DCLK1: variants seen among roughly 807,000 people sequenced by gnomAD.
DCLK1 encodes doublecortin like kinase 1.
A neutral mutation model predicts 86.2 loss-of-function variants in DCLK1; 16 were observed. The ratio of observed to expected loss-of-function variants is 0.19; its 90% CI spans 0.13 to 0.28. The LOEUF is 0.28. Ranked by LOEUF, DCLK1 falls within the 10% of genes least tolerant of loss-of-function variation. The pLI, the probability that DCLK1 is intolerant of heterozygous loss-of-function variation, is 1.00. For synonymous variants in DCLK1, 369 were observed against 370.5 expected (o/e 1.00, Z 0.05); for missense variants, 590 against 940.2 (o/e 0.63, Z 4.87).
intron 3 of DCLK1, among the ~76,000 whole-genome samples, chr13:35,967,602 T>C (rs939214102): frequency 6.6e-5 from 10 of 152,172 alleles, no homozygotes; most frequent in Non-Finnish European, 1.5e-4. Flanking sequence ...CAAGATGTGC[T>C]TTGTTAAACA....
chr13:36,083,503 G>C (rs1402293093), intron 3 of DCLK1, among the ~76,000 whole-genome samples: 1 of 152,110 alleles, frequency 6.6e-6, no homozygotes, highest in East Asian at 1.9e-4. Flanking sequence ...GTCCTCTACT[G>C]TTTATTGGTG....
intron 11 of DCLK1, among the ~76,000 whole-genome samples, chr13:35,819,033 T>C (rs760198708): frequency 6.6e-6 from 1 of 152,096 alleles, no homozygotes; most frequent in African/African-American, 2.4e-5. Flanking sequence ...GGCTCTGTCC[T>C]CTGTTCATAG....
At chr13:35,911,500 T>C (rs1050717897) in intron 4 of DCLK1, among the ~76,000 whole-genome samples, 6 of 152,130 alleles carry the variant, frequency 3.9e-5, no homozygotes, top group African/African-American at 1.4e-4. Flanking sequence ...CCTTTAGTGC[T>C]GGAGCTCAGC....
chr13:35,860,752 G>A (rs1379618283), intron 5 of DCLK1, among the ~76,000 whole-genome samples: 8 of 152,182 alleles, frequency 5.3e-5, no homozygotes, highest in African/African-American at 1.9e-4. Flanking sequence ...TTACAACTGA[G>A]CAAGGTGGTG....
At chr13:35,896,705 C>T (rs952654651) in intron 4 of DCLK1, among the ~76,000 whole-genome samples, 49 of 151,924 alleles carry the variant, frequency 3.2e-4, no homozygotes, top group African/African-American at 1.1e-3. Context: ...CTTCTGCACT[C>T]GGCCTTGGCA....
chr13:36,028,340 C>G lies in DCLK1; in HGVS notation c.724-80883G>C, dbSNP rs1222130622. On this transcript the variant is annotated intron_variant, in intron 3 of 16. Coordinates refer to ENST00000360631, the MANE Select transcript of DCLK1 (RefSeq NM_001330071.2). ...ATGATTTTCCAAACAGTAGAGACTT[C>G]AGGCTGGTCTTTTGAAATGCTCATC... Among the ~76,000 whole-genome samples the G allele has an allele frequency of 2.0e-5, 3 of 152,302 alleles. No homozygotes were observed. In the East Asian group the frequency reaches 5.8e-4, roughly 29 times the overall value.
At chr13:35,889,304 T>C (rs1462223520) in intron 4 of DCLK1, among the ~76,000 whole-genome samples, 1 of 152,168 alleles carries the variant, frequency 6.6e-6, no homozygotes, top group Non-Finnish European at 1.5e-5. Flanking sequence ...CAGAAAGGGT[T>C]TGTAATGGAT....
At chr13:36,114,305 A>C (rs1248376578) in intron 2 of DCLK1, among the ~76,000 whole-genome samples, 1 of 152,236 alleles carries the variant, frequency 6.6e-6, no homozygotes, top group East Asian at 1.9e-4. Context: ...GGTTCAAGCA[A>C]CAATGATCAG....
At chr13:36,065,913 C>T (rs1176250417) in intron 3 of DCLK1, among the ~76,000 whole-genome samples, 2 of 152,076 alleles carry the variant, frequency 1.3e-5, no homozygotes, top group Non-Finnish European at 1.5e-5. Context: ...GAGTCATTTA[C>T]ACACAACGGC....
At chr13:36,088,420 T>C (rs1884695450) in intron 3 of DCLK1, among the ~76,000 whole-genome samples, 1 of 152,208 alleles carries the variant, frequency 6.6e-6, no homozygotes, top group Admixed American at 6.5e-5. Flanking sequence ...TAGGGTCCAG[T>C]CTTAAGGCTG....
intron 3 of DCLK1, among the ~76,000 whole-genome samples, chr13:36,103,152 G>C (rs1348605544): frequency 6.6e-6 from 1 of 152,184 alleles, no homozygotes; most frequent in African/African-American, 2.4e-5. Flanking sequence ...TGTAATCCCA[G>C]CGCTTTGGGA....
chr13:36,066,353 T>C (rs1026543723), intron 3 of DCLK1, among the ~76,000 whole-genome samples: 1 of 152,196 alleles, frequency 6.6e-6, no homozygotes, highest in Admixed American at 6.5e-5. Context: ...CCATTGGTCC[T>C]TGGCCACAAC....
At chr13:35,850,039 T>C (rs753031101) in intron 6 of DCLK1, 83 of 976,472 alleles carry the variant, frequency 8.5e-5, no homozygotes, top group Non-Finnish European at 9.6e-5. Context: ...AAAATAAAAT[T>C]TACTTGACAA....
chr13:36,114,463 A>C (rs1391347927), intron 2 of DCLK1, among the ~76,000 whole-genome samples: 1 of 152,226 alleles, frequency 6.6e-6, no homozygotes, highest in African/African-American at 2.4e-5. Flanking sequence ...AGCTAAAGGA[A>C]GGAGAAGGAG....
chr13:36,109,705 C>T (rs138546977), intron 3 of DCLK1, among the ~76,000 whole-genome samples: 142 of 152,320 alleles, frequency 9.3e-4, no homozygotes, highest in South Asian at 1.5e-3. Flanking sequence ...TAATGAAGCT[C>T]AGTTAAGTGT....
chr13:35,982,423 AGAGAGAGAGGGGGAGG>A (rs1879693258), intron 3 of DCLK1, among the ~76,000 whole-genome samples: 2 of 40,118 alleles, frequency 5.0e-5, no homozygotes, highest in Non-Finnish European at 1.2e-4. Context: ...AGAGAGAGAG[AGAGAGAGAGGGGGAGG>A]GAGGGAGGGA....
intron 16 of DCLK1, among the ~76,000 whole-genome samples, chr13:35,780,158 T>C (rs2086500903): frequency 6.6e-6 from 1 of 152,132 alleles, no homozygotes; most frequent in African/African-American, 2.4e-5. Context: ...AGCTTTACTC[T>C]TTATCAATCA....
chr13:35,851,470 C>T (rs1053102764), intron 6 of DCLK1, among the ~76,000 whole-genome samples: 7 of 151,994 alleles, frequency 4.6e-5, no homozygotes, highest in South Asian at 4.2e-4. Flanking sequence ...GGCTTTTCTC[C>T]GGTTTTGTAC....
chr13:36,088,666 G>C (rs1181152951), intron 3 of DCLK1, among the ~76,000 whole-genome samples: 5 of 152,164 alleles, frequency 3.3e-5, no homozygotes, highest in Admixed American at 3.3e-4. Flanking sequence ...CCAGCCAGTG[G>C]GTCTGCGAGA....
Sources: allele counts gnomAD v4.1 joint callset (sites outside exome capture counted in the v4.1 genomes callset), GRCh38; gene constraint gnomAD v4.1.1; transcripts MANE v1.5; gene names NCBI Gene and HGNC (gene_info 2026-07-23, HGNC 2026-07-21).